The following SSBP3 variants were observed in gnomAD, a reference collection of about 807,000 sequenced individuals.
The protein encoded by SSBP3 is single stranded DNA binding protein 3.
Under a neutral mutation model 69.6 loss-of-function variants are expected in SSBP3, and 5 were observed. That is an observed-to-expected ratio of 0.07 (90% CI 0.04 to 0.15). The LOEUF (loss-of-function observed/expected upper bound fraction) is 0.15, where lower values mean the gene tolerates loss of function less well. Ranked by LOEUF, SSBP3 falls within the 10% of genes least tolerant of loss-of-function variation. The pLI, the probability that SSBP3 is intolerant of heterozygous loss-of-function variation, is 1.00. For synonymous variants in SSBP3, 196 were observed against 193.4 expected (o/e 1.01, Z -0.11); for missense variants, 312 against 534.0 (o/e 0.58, Z 4.10).
intron 9 of SSBP3, 153 bp from the exon 10 acceptor site, chr1:54,243,452 G>A (rs961801962): frequency 1.4e-5 from 13 of 901,888 alleles, no homozygotes; most frequent in South Asian, 9.2e-5. Flanking sequence ...ACGGTGGGGC[G>A]GGTGGGAACC....
chr1:54,405,059 G>A (rs1557598881), intron 1 of SSBP3, 129 bp from the exon 2 acceptor site: 1 of 812,102 alleles, frequency 1.2e-6, no homozygotes, highest in Non-Finnish European at 2.1e-6. Flanking sequence ...CCAGAGGTAA[G>A]CAGCTAGCTC....
rs148245826 is a variant in SSBP3, at chr1:54,375,299, A to G, written c.276+26562T>C. On this transcript the variant is annotated intron_variant, in intron 4 of 17. Transcript: ENST00000610401. Reference sequence around the variant, plus strand: ...CCCACACGTGGATGACAAACCACCTAGGGGAATTTATTCATTCCTACTTGG... The same window carrying G: ...CCCACACGTGGATGACAAACCACCTGGGGGAATTTATTCATTCCTACTTGG... Among the ~76,000 whole-genome samples, 12 of 152,304 alleles carry G rather than the reference A, an allele frequency of 7.9e-5. No homozygotes were observed. In the East Asian group the frequency reaches 1.4e-3, roughly 17 times the overall value.
At chr1:54,253,272 G>A (rs1487979104) in intron 7 of SSBP3, among the ~76,000 whole-genome samples, 1 of 147,404 alleles carries the variant, frequency 6.8e-6, no homozygotes, top group Non-Finnish European at 1.5e-5. Context: ...GCTCACTGCA[G>A]CCTCGAACTC....
chr1:54,317,443 G>A (rs1646133072), intron 4 of SSBP3, among the ~76,000 whole-genome samples: 1 of 152,004 alleles, frequency 6.6e-6, no homozygotes, highest in African/African-American at 2.4e-5. Context: ...AGGCTGAGGT[G>A]GGAGGATCAC....
rs148229850 is a variant in SSBP3, at chr1:54,388,275, C to A, written c.276+13586G>T. ...AGCATGGCTCAAAGGTAGAGTGGGG[C>A]TCTGGGTTCAAATCCCAGCTCTACT... On this transcript the variant is annotated intron_variant, in intron 4 of 17. Coordinates refer to ENST00000610401, the Ensembl canonical transcript of SSBP3. 3.5e-3 allele frequency among the ~76,000 whole-genome samples: 533 copies of A among 152,316 alleles called. 2 individuals carry two copies. The highest frequency in any genetic ancestry group is 0.02 in the Middle Eastern group (6 of 294).
rs113716850 is a variant in SSBP3 at position 54,341,711 on chromosome 1, GA to G, written c.276+60149del. On this transcript the variant is annotated intron_variant, in intron 4 of 17. Transcript: ENST00000610401. Reference sequence around the variant, plus strand: ...CCCTAAAACTTAAAGTATAATGATTGAAAAAAAAAAAAAGAAGTCCTGGGAG... The same window carrying G: ...CCCTAAAACTTAAAGTATAATGATTGAAAAAAAAAAAAGAAGTCCTGGGAG... Among the ~76,000 whole-genome samples the G allele has an allele frequency of 5.3e-3, 736 of 139,760 alleles. 5 individuals carry two copies. The highest frequency in any genetic ancestry group is 0.015 in the African/African-American group (584 of 38,128). 91.7% of individuals were successfully genotyped at this position (139,760 alleles called of 152,430 possible).
Position 54,251,625 on chromosome 1 carries a change from G to A in SSBP3, c.642C>T (p.Pro214=), listed in dbSNP as rs538753099. 2.3e-5 allele frequency: 35 copies of A among 1,551,588 alleles called. No individual in the cohort carries two copies. In the Middle Eastern group the frequency reaches 6.8e-4, roughly 30 times the overall value. The change falls in exon 9 of 18, where the codon CCC becomes CCT. Residue 214 remains proline (P), a synonymous_variant. Coordinates refer to ENST00000610401, the Ensembl canonical transcript of SSBP3. Reference sequence around the variant, plus strand: ...GACAGGCGGTGGTTACCTGTGGGCCGGGACCCATGGGCCCCATGCCTCGGG... The same window carrying A: ...GACAGGCGGTGGTTACCTGTGGGCCAGGACCCATGGGCCCCATGCCTCGGG...
chr1:54,241,571 C>G, intron 11 of SSBP3, 62 bp from the exon 12 acceptor site: 1 of 1,560,418 alleles, frequency 6.4e-7, no homozygotes, highest in South Asian at 1.1e-5. Flanking sequence ...GCTGCCAAAC[C>G]TCCCTGAGGA....
At chr1:54,259,824 C>A (rs373346059) in intron 5 of SSBP3, among the ~76,000 whole-genome samples, 39 of 152,326 alleles carry the variant, frequency 2.6e-4, no homozygotes, top group African/African-American at 8.7e-4. Context: ...CGGAAAGCTC[C>A]GAGGAGCAGA....
chr1:54,316,713 ATAAAAT>A lies in SSBP3; in HGVS notation c.277-35192_277-35187del, dbSNP rs1444312233. Among the ~76,000 whole-genome samples, 61 of 148,598 alleles carry A rather than the reference ATAAAAT, an allele frequency of 4.1e-4. 3 individuals carry two copies. The highest frequency in any genetic ancestry group is 1.5e-3 in the African/African-American group (59 of 40,378). On this transcript the variant is annotated intron_variant, in intron 4 of 17. Transcript: ENST00000610401. ...ATAAATAAATAAATAAATAAATAAA[ATAAAAT>A]AAAATAAAATAAAAATGTCTTAGTC... is the stretch of plus-strand genomic sequence containing the variant.
At chr1:54,255,281 T>C (rs1229461054) in intron 7 of SSBP3, among the ~76,000 whole-genome samples, 2 of 152,106 alleles carry the variant, frequency 1.3e-5, no homozygotes, top group South Asian at 2.1e-4. Flanking sequence ...AGTAGAAATA[T>C]ACACACCCCT....
intron 4 of SSBP3, among the ~76,000 whole-genome samples, chr1:54,373,891 G>A (rs916238109): frequency 5.3e-5 from 8 of 152,164 alleles, no homozygotes; most frequent in South Asian, 2.1e-4. Flanking sequence ...TGGGCTGACC[G>A]TGGGAGACAT....
chr1:54,337,634 T>A (rs1646534102), intron 4 of SSBP3, among the ~76,000 whole-genome samples: 1 of 151,600 alleles, frequency 6.6e-6, no homozygotes, highest in African/African-American at 2.4e-5. Flanking sequence ...TAGCTGGGAC[T>A]ACAGGCATCC....
At chr1:54,360,573 G>C (rs944551417) in intron 4 of SSBP3, among the ~76,000 whole-genome samples, 1 of 152,158 alleles carries the variant, frequency 6.6e-6, no homozygotes, top group Non-Finnish European at 1.5e-5. Context: ...ATCACAGAAA[G>C]CCTGCATGGG....
chr1:54,404,810 G>GGGT, intron 2 of SSBP3, 48 bp downstream of exon 2: 1 of 729,828 alleles, frequency 1.4e-6, no homozygotes. Flanking sequence ...AAGAATAGTG[G>GGGT]GGGGGGGGGG....
At position 54,392,906 on chromosome 1, in the gene SSBP3, G is replaced by A. The variant is rs544929791; in HGVS notation, c.276+8955C>T. The stretch of plus-strand genomic sequence containing the variant: ...AGGAGAGTTACAGAGTTAGTTCCTG[G>A]GGAAAAAACAGAAGAGGGATGTCTT... On this transcript the variant is annotated intron_variant, in intron 4 of 17. Transcript: ENST00000610401. Among the ~76,000 whole-genome samples the A allele has an allele frequency of 1.4e-4, 21 of 152,286 alleles. No individual in the cohort carries two copies. In the South Asian group the frequency reaches 4.4e-3, roughly 32 times the overall value.
At chr1:54,392,458 A>C (rs1055165692) in intron 4 of SSBP3, among the ~76,000 whole-genome samples, 10 of 152,256 alleles carry the variant, frequency 6.6e-5, no homozygotes. Context: ...GCACACATAA[A>C]TCACTGAAAA....
intron 4 of SSBP3, among the ~76,000 whole-genome samples, chr1:54,401,166 G>A (rs1009177148): frequency 9.9e-5 from 15 of 152,260 alleles, no homozygotes; most frequent in African/African-American, 3.4e-4. Context: ...GACTGCTATG[G>A]GAGATGAATA....
intron 4 of SSBP3, among the ~76,000 whole-genome samples, chr1:54,392,487 A>G (rs531038046): frequency 6.6e-6 from 1 of 152,314 alleles, no homozygotes; most frequent in Non-Finnish European, 1.5e-5. Context: ...TCCAGAAACA[A>G]TATTTGTGTT....
Sources: gnomAD v4.1 joint callset for allele counts (sites outside exome capture counted in the v4.1 genomes callset) on GRCh38, gnomAD v4.1.1 for gene constraint, MANE v1.5 for transcripts, NCBI Gene and HGNC (gene_info 2026-07-23, HGNC 2026-07-21) for gene names.